Variants in SH3RF3 observed in about 807,000 individuals in gnomAD.
The protein encoded by SH3RF3 is E3 ubiquitin-protein ligase SH3RF3.
Under a neutral mutation model 66.3 loss-of-function variants are expected in SH3RF3, and 29 were observed. The ratio of observed to expected loss-of-function variants is 0.44; its 90% confidence interval spans 0.33 to 0.60. The LOEUF (loss-of-function observed/expected upper bound fraction) is 0.60. Among genes scored for constraint, SH3RF3 ranks in the 20% least tolerant of loss-of-function variants. The pLI, the probability that SH3RF3 is intolerant of heterozygous loss-of-function variation, is 0.04. For synonymous variants in SH3RF3, 583 were observed against 532.0 expected, an observed-to-expected ratio of 1.10 and a Z score of -1.32; for missense variants, 1,194 against 1,190.9, an observed-to-expected ratio of 1.00 and a Z score of -0.04.
At chr2:109,464,145 C>G (rs2104695927) in intron 8 of SH3RF3, among the ~76,000 whole-genome samples, 2 of 152,302 alleles carry the variant, frequency 1.3e-5, no homozygotes, top group Middle Eastern at 6.8e-3. Context: ...AAAATACTTC[C>G]AGGGACAAGA....
chr2:109,185,337 T>C (rs1678160841), intron 1 of SH3RF3, among the ~76,000 whole-genome samples: 1 of 152,176 alleles, frequency 6.6e-6, no homozygotes, highest in Admixed American at 6.5e-5. Context: ...TTTTAAACAA[T>C]AAAAGATTGG....
chr2:109,379,890 A>G (rs1038916756), intron 3 of SH3RF3, among the ~76,000 whole-genome samples: 10 of 152,178 alleles, frequency 6.6e-5, no homozygotes, highest in African/African-American at 2.2e-4. Flanking sequence ...TGTTGTGTCT[A>G]TGTCTGAACA....
intron 1 of SH3RF3, among the ~76,000 whole-genome samples, chr2:109,192,099 T>G (rs1678381070): frequency 6.6e-6 from 1 of 152,158 alleles, no homozygotes; most frequent in African/African-American, 2.4e-5. Context: ...AGAAGTCAAC[T>G]TTGGTTAATT....
intron 6 of SH3RF3, among the ~76,000 whole-genome samples, chr2:109,435,615 G>A (rs927640535): frequency 6.6e-6 from 1 of 152,210 alleles, no homozygotes; most frequent in African/African-American, 2.4e-5. Flanking sequence ...AGTAGGACTA[G>A]CCAAGGGTAT....
At chr2:109,421,963 A>G (rs1348498922) in intron 5 of SH3RF3, among the ~76,000 whole-genome samples, 1 of 152,180 alleles carries the variant, frequency 6.6e-6, no homozygotes, top group African/African-American at 2.4e-5. Flanking sequence ...TTTTATCCCC[A>G]GAGAGGAAAA....
intron 8 of SH3RF3, among the ~76,000 whole-genome samples, chr2:109,449,844 A>G (rs552577463): frequency 7.2e-5 from 11 of 152,234 alleles, no homozygotes; most frequent in Non-Finnish European, 1.3e-4. Flanking sequence ...GTGCTGGGAT[A>G]TTGTAATAAT....
intron 1 of SH3RF3, among the ~76,000 whole-genome samples, chr2:109,240,205 A>G (rs1574522566): frequency 6.6e-6 from 1 of 152,324 alleles, no homozygotes; most frequent in East Asian, 1.9e-4. Flanking sequence ...CTCACATGCA[A>G]AATCAGGGTT....
intron 1 of SH3RF3, among the ~76,000 whole-genome samples, chr2:109,344,034 A>G (rs55844840): frequency 1.3e-5 from 2 of 152,006 alleles, no homozygotes; most frequent in African/African-American, 2.4e-5. Flanking sequence ...GTGAGCCACC[A>G]TACCCGTCCC....
intron 1 of SH3RF3, among the ~76,000 whole-genome samples, chr2:109,134,105 T>C (rs1676763112): frequency 6.6e-6 from 1 of 152,248 alleles, no homozygotes; most frequent in Non-Finnish European, 1.5e-5. Flanking sequence ...GCCTGCTGCA[T>C]GCTGGGCACT....
intron 1 of SH3RF3, among the ~76,000 whole-genome samples, chr2:109,245,835 CA>C (rs1347676929): frequency 6.6e-6 from 1 of 152,130 alleles, no homozygotes; most frequent in African/African-American, 2.4e-5. Flanking sequence ...TTTGTAAATC[CA>C]TCATGAGAGA....
chr2:109,130,739 G>T (rs1169883136), intron 1 of SH3RF3, among the ~76,000 whole-genome samples: 1 of 152,160 alleles, frequency 6.6e-6, no homozygotes, highest in African/African-American at 2.4e-5. Context: ...CCCAGGCAGG[G>T]TTGCATTCCC....
chr2:109,242,393 G>A (rs2105224948), intron 1 of SH3RF3, among the ~76,000 whole-genome samples: 1 of 152,282 alleles, frequency 6.6e-6, no homozygotes, highest in South Asian at 2.1e-4. Flanking sequence ...GTGCCTCGTT[G>A]CAGATGGTCA....
chr2:109,214,025 C>T (rs1166394269), intron 1 of SH3RF3, among the ~76,000 whole-genome samples: 2 of 152,104 alleles, frequency 1.3e-5, no homozygotes, highest in African/African-American at 2.4e-5. Context: ...AGCTCTGAGA[C>T]CAGCCCTGCA....
intron 1 of SH3RF3, among the ~76,000 whole-genome samples, chr2:109,217,135 T>C (rs1679117051): frequency 6.6e-6 from 1 of 152,244 alleles, no homozygotes. Context: ...TAAATCCTAT[T>C]CCATCGTACG....
chr2:109,380,296 T>C (rs985214412), intron 3 of SH3RF3, among the ~76,000 whole-genome samples: 1 of 151,792 alleles, frequency 6.6e-6, no homozygotes, highest in Non-Finnish European at 1.5e-5. Flanking sequence ...CTGCTGGGAG[T>C]CTTGTTGCTG....
At chr2:109,291,704 C>A (rs1681187537) in intron 1 of SH3RF3, among the ~76,000 whole-genome samples, 1 of 152,168 alleles carries the variant, frequency 6.6e-6, no homozygotes, top group Non-Finnish European at 1.5e-5. Flanking sequence ...CCTCTTTGCT[C>A]CTCTTTGTCT....
chr2:109,332,812 C>A (rs1682318333), intron 1 of SH3RF3, among the ~76,000 whole-genome samples: 2 of 152,182 alleles, frequency 1.3e-5, no homozygotes, highest in African/African-American at 4.8e-5. Flanking sequence ...TCGGAATCAC[C>A]CTTTTTAACG....
At chr2:109,162,352 G>A (rs1003718232) in intron 1 of SH3RF3, among the ~76,000 whole-genome samples, 12 of 152,048 alleles carry the variant, frequency 7.9e-5, no homozygotes, top group African/African-American at 1.7e-4. Context: ...TCAGAGAGCC[G>A]GGCCTCTCTC....
chr2:109,448,583 CT>C (rs1325439921), intron 7 of SH3RF3, among the ~76,000 whole-genome samples: 1 of 152,270 alleles, frequency 6.6e-6, no homozygotes, highest in African/African-American at 2.4e-5. Flanking sequence ...AATCTAATGG[CT>C]GATGATCTGT....
Sources: gnomAD v4.1 joint callset for allele counts (sites outside exome capture counted in the v4.1 genomes callset) on GRCh38, gnomAD v4.1.1 for gene constraint, MANE v1.5 for transcripts, NCBI Gene and HGNC (gene_info 2026-07-23, HGNC 2026-07-21) for gene names.